The following RALYL variants were observed in gnomAD, a reference collection of about 807,000 sequenced individuals.
RALYL encodes RALY RNA binding protein like.
A neutral mutation model predicts 35.1 loss-of-function variants in RALYL; 29 were observed. That is an observed-to-expected ratio of 0.83 (90% CI 0.61 to 1.13). The LOEUF is 1.13. RALYL is among the 50% of genes most tolerant of loss of function. The pLI is 0.00. For missense variants in RALYL, 359 were observed against 360.4 expected (o/e 1.00, Z 0.03); for synonymous variants, 120 against 127.6 (o/e 0.94, Z 0.40).
At chr8:84,642,814 G>GAAGCTTTTGAGCCTTCTC (rs150615474) in intron 2 of RALYL, among the ~76,000 whole-genome samples, 13,758 of 151,916 alleles carry the variant, frequency 0.091, 1,589 homozygotes, top group African/African-American at 0.27. Context: ...GGTAGGAGAA[G>GAAGCTTTTGAGCCTTCTC]AAGCTTTTGA....
chr8:84,893,562 T>C (rs1250975571), intron 8 of RALYL, among the ~76,000 whole-genome samples: 1 of 152,200 alleles, frequency 6.6e-6, no homozygotes, highest in Non-Finnish European at 1.5e-5. Context: ...GTGAACACTC[T>C]AGGACATTAT....
At chr8:84,859,590 G>A (rs181929273) in intron 5 of RALYL, among the ~76,000 whole-genome samples, 19 of 152,208 alleles carry the variant, frequency 1.2e-4, no homozygotes, top group East Asian at 5.8e-4. Context: ...TGGCTCATGC[G>A]TATAATCCCA....
At position 84,183,318 on chromosome 8, in the gene RALYL, C is replaced by G. The variant is rs535234119; in HGVS notation, c.-1130C>G. 695 of 154,390 alleles carry G rather than the reference C, an allele frequency of 4.5e-3. No individual in the cohort carries two copies. The highest frequency in any genetic ancestry group is 8.2e-3 in the Non-Finnish European group (567 of 69,082). 9.6% of individuals were successfully genotyped at this position (154,390 alleles called of 1,614,324 possible). A position where few individuals can be genotyped will look rare whatever the true frequency, so the allele number is the denominator to read the frequency against. On this transcript the variant is annotated 5_prime_UTR_variant, in exon 1 of 9. Transcript: ENST00000521268. ...CGCGAGCTGCCGCTGCCGCTGCTGCCGCCACTGGTGTTGCCGCTCTCAGGC... is the reference window on the plus strand; with the variant it reads ...CGCGAGCTGCCGCTGCCGCTGCTGCGGCCACTGGTGTTGCCGCTCTCAGGC...
At chr8:84,295,777 T>A (rs1035289455) in intron 1 of RALYL, among the ~76,000 whole-genome samples, 1 of 152,152 alleles carries the variant, frequency 6.6e-6, no homozygotes, top group Non-Finnish European at 1.5e-5. Context: ...TGTGAGGAAA[T>A]CTCTCAGAAT....
chr8:84,270,483 T>C (rs1417236718), intron 1 of RALYL, among the ~76,000 whole-genome samples: 1 of 152,058 alleles, frequency 6.6e-6, no homozygotes, highest in Non-Finnish European at 1.5e-5. Flanking sequence ...AAGGAGATTC[T>C]TATGTCCAAA....
chr8:84,483,848 A>C (rs894635060), intron 1 of RALYL, among the ~76,000 whole-genome samples: 2 of 152,142 alleles, frequency 1.3e-5, no homozygotes, highest in African/African-American at 4.8e-5. Context: ...TTACTTTGGA[A>C]TATTTCACAT....
chr8:84,882,991 G>A (rs1317873060), intron 7 of RALYL, among the ~76,000 whole-genome samples: 1 of 152,022 alleles, frequency 6.6e-6, no homozygotes, highest in Non-Finnish European at 1.5e-5. Flanking sequence ...GCTTTCATGT[G>A]TGATTTTATT....
intron 8 of RALYL, among the ~76,000 whole-genome samples, chr8:84,899,396 C>T (rs902881972): frequency 6.6e-6 from 1 of 152,008 alleles, no homozygotes; most frequent in East Asian, 1.9e-4. Flanking sequence ...TAGTGCTTAG[C>T]ATATGTTAAT....
At chr8:84,368,587 G>A (rs1208834979) in intron 1 of RALYL, among the ~76,000 whole-genome samples, 2 of 152,170 alleles carry the variant, frequency 1.3e-5, no homozygotes, top group African/African-American at 4.8e-5. Flanking sequence ...CACAATCATG[G>A]TGGAAGGTGA....
chr8:84,583,740 A>T (rs1452804378), intron 2 of RALYL, among the ~76,000 whole-genome samples: 1 of 152,136 alleles, frequency 6.6e-6, no homozygotes, highest in Non-Finnish European at 1.5e-5. Flanking sequence ...ACACATTTTT[A>T]TTATATAGTA....
intron 1 of RALYL, among the ~76,000 whole-genome samples, chr8:84,505,801 G>C (rs903819107): frequency 6.6e-6 from 1 of 152,114 alleles, no homozygotes; most frequent in Non-Finnish European, 1.5e-5. Context: ...CAAGCTAGAC[G>C]AGCAAGCATT....
intron 2 of RALYL, among the ~76,000 whole-genome samples, chr8:84,693,837 C>A (rs1000219294): frequency 6.6e-6 from 1 of 151,394 alleles, no homozygotes; most frequent in Non-Finnish European, 1.5e-5. Flanking sequence ...TGTGATTCAC[C>A]GTATTAACAT....
intron 1 of RALYL, among the ~76,000 whole-genome samples, chr8:84,402,191 A>C (rs138236080): frequency 6.6e-6 from 1 of 152,312 alleles, no homozygotes; most frequent in Non-Finnish European, 1.5e-5. Context: ...ACAGAGAAAT[A>C]GATGATAAAT....
At chr8:84,430,339 A>G (rs1036754638) in intron 1 of RALYL, among the ~76,000 whole-genome samples, 3 of 152,174 alleles carry the variant, frequency 2.0e-5, no homozygotes, top group Non-Finnish European at 4.4e-5. Context: ...TTTGAAGACA[A>G]TTGAAGTACT....
intron 1 of RALYL, among the ~76,000 whole-genome samples, chr8:84,280,362 AT>A (rs141824378): frequency 0.012 from 1,853 of 152,296 alleles, 52 homozygotes; most frequent in African/African-American, 0.042. Context: ...ATGGAAAAAT[AT>A]TAATTTACAG....
At chr8:84,281,861 C>T (rs1433620875) in intron 1 of RALYL, among the ~76,000 whole-genome samples, 3 of 152,046 alleles carry the variant, frequency 2.0e-5, no homozygotes, top group African/African-American at 7.2e-5. Flanking sequence ...TCTTTCCCTT[C>T]ACGGCCAATG....
chr8:84,868,216 AT>A (rs869250674), intron 6 of RALYL, among the ~76,000 whole-genome samples: 3 of 152,042 alleles, frequency 2.0e-5, no homozygotes, highest in Non-Finnish European at 2.9e-5. Context: ...CACTTAAAAA[AT>A]TTTTTTAGAA....
chr8:84,213,214 A>C (rs1819941417), intron 1 of RALYL, among the ~76,000 whole-genome samples: 1 of 152,070 alleles, frequency 6.6e-6, no homozygotes. Context: ...AACGTGGTGA[A>C]ACCCCATCTG....
At position 84,693,186 on chromosome 8, in the gene RALYL, G is replaced by A. The variant is rs141975897; in HGVS notation, c.257-81393G>A. 4.0e-3 allele frequency among the ~76,000 whole-genome samples: 603 copies of A among 151,974 alleles called. 6 individuals are homozygous for A. Among genetic ancestry groups the A allele is most frequent in the African/African-American group, 0.013 (553 of 41,504 alleles). ...TATCTCGGACACTGGCTGGCTGTTG[G>A]GGATAAATGTATTAGCCCATTCTCA... On this transcript the variant is annotated intron_variant, in intron 2 of 8. Transcript: ENST00000521268.
Sources: allele counts gnomAD v4.1 joint callset (sites outside exome capture counted in the v4.1 genomes callset), GRCh38; gene constraint gnomAD v4.1.1; transcripts MANE v1.5; gene names NCBI Gene and HGNC (gene_info 2026-07-23, HGNC 2026-07-21).